The following STX8 variants were observed in gnomAD, a reference collection of about 807,000 sequenced individuals.
The protein encoded by STX8 is syntaxin 8.
Under a neutral mutation model 37.5 loss-of-function variants are expected in STX8, and 23 were observed. The ratio of observed to expected loss-of-function variants is 0.61; its 90% CI spans 0.44 to 0.87. The LOEUF (loss-of-function observed/expected upper bound fraction) is 0.87. Ranked by LOEUF, STX8 falls within the 40% of genes least tolerant of loss-of-function variation. The probability of loss-of-function intolerance (pLI) is 0.00; values close to 1 mark genes in which losing one functional copy is unlikely to be tolerated. For missense variants in STX8, 313 were observed against 284.7 expected, an observed-to-expected ratio of 1.10 and a Z score of -0.71; for synonymous variants, 115 against 99.1, an observed-to-expected ratio of 1.16 and a Z score of -0.95.
intron 7 of STX8, among the ~76,000 whole-genome samples, chr17:9,269,561 C>A (rs944237041): frequency 2.6e-5 from 4 of 152,210 alleles, no homozygotes; most frequent in Admixed American, 6.5e-5. Flanking sequence ...GATGTCATCA[C>A]CTTCTGCTTA....
chr17:9,364,593 C>G (rs1434816263), intron 7 of STX8, among the ~76,000 whole-genome samples: 1 of 152,022 alleles, frequency 6.6e-6, no homozygotes, highest in East Asian at 1.9e-4. Context: ...GGCAGCGGCG[C>G]GATCTTGGCT....
intron 6 of STX8, among the ~76,000 whole-genome samples, chr17:9,411,142 G>GT (rs1027581946): frequency 3.4e-4 from 52 of 152,300 alleles, no homozygotes; most frequent in African/African-American, 1.3e-3. Context: ...CTAGAGGTTT[G>GT]TACTCTTGGG....
At chr17:9,539,964 T>G (rs767530528) in intron 4 of STX8, among the ~76,000 whole-genome samples, 4 of 152,170 alleles carry the variant, frequency 2.6e-5, no homozygotes, top group African/African-American at 4.8e-5. Context: ...GAACATGTCA[T>G]ATAATGAACA....
chr17:9,525,934 T>C (rs1905551554), intron 4 of STX8, among the ~76,000 whole-genome samples: 1 of 152,216 alleles, frequency 6.6e-6, no homozygotes, highest in African/African-American at 2.4e-5. Context: ...TTCCTGACAA[T>C]GATGTGTAGT....
intron 6 of STX8, among the ~76,000 whole-genome samples, chr17:9,409,062 A>G (rs986756483): frequency 3.0e-4 from 45 of 151,844 alleles, no homozygotes; most frequent in African/African-American, 9.7e-4. Context: ...CTCAGCCAGC[A>G]GCAGCCACTG....
intron 4 of STX8, among the ~76,000 whole-genome samples, chr17:9,506,619 GCCTTCTC>G (rs1387450857): frequency 1.3e-5 from 2 of 152,072 alleles, no homozygotes; most frequent in Non-Finnish European, 2.9e-5. Flanking sequence ...ACATATGAAG[GCCTTCTC>G]CCTGTGAGGA....
At chr17:9,448,096 A>T (rs1333007410) in intron 6 of STX8, among the ~76,000 whole-genome samples, 1 of 150,766 alleles carries the variant, frequency 6.6e-6, no homozygotes, top group Non-Finnish European at 1.5e-5. Flanking sequence ...AACTGTTTGA[A>T]CCCAGGAGGC....
At chr17:9,527,797 A>G (rs1205051130) in intron 4 of STX8, among the ~76,000 whole-genome samples, 1 of 152,200 alleles carries the variant, frequency 6.6e-6, no homozygotes, top group Non-Finnish European at 1.5e-5. Flanking sequence ...AAATGCCACA[A>G]CTTTTAAGAA....
rs919419627 is a variant in STX8 at position 9,326,117 on chromosome 17, C to G, written c.643+52435G>C. On this transcript the variant is annotated intron_variant, in intron 7 of 7. Coordinates refer to ENST00000306357, the MANE Select transcript of STX8 (RefSeq NM_004853.3). ...GTCTTGGTTTTAGCCACCTTTGGTT[C>G]TTCCCTGTTTCCTTTTTTTTTTTTT... Among the ~76,000 whole-genome samples, 4 of 149,330 alleles carry G rather than the reference C, an allele frequency of 2.7e-5. 1 individual carries two copies. The highest frequency in any genetic ancestry group is 1.3e-4 in the Admixed American group (2 of 15,200).
At chr17:9,425,843 G>A (rs1208791132) in intron 6 of STX8, among the ~76,000 whole-genome samples, 2 of 152,120 alleles carry the variant, frequency 1.3e-5, no homozygotes, top group East Asian at 1.9e-4. Flanking sequence ...CTTCAGCCCA[G>A]GCCAGAGAAA....
At chr17:9,295,570 C>T (rs62067065) in intron 7 of STX8, among the ~76,000 whole-genome samples, 29,418 of 151,306 alleles carry the variant, frequency 0.19, 3,524 homozygotes, top group Non-Finnish European at 0.26. Flanking sequence ...GGTGAAATCC[C>T]GTCTCTACTA....
intron 7 of STX8, among the ~76,000 whole-genome samples, chr17:9,295,719 A>G (rs990223152): frequency 1.3e-5 from 2 of 151,556 alleles, no homozygotes; most frequent in African/African-American, 2.4e-5. Flanking sequence ...CTCCAGCGTG[A>G]CGACAGAATG....
intron 7 of STX8, among the ~76,000 whole-genome samples, chr17:9,298,641 GTC>G (rs1196674786): frequency 6.6e-6 from 1 of 152,072 alleles, no homozygotes; most frequent in Non-Finnish European, 1.5e-5. Context: ...GTGAAACCCC[GTC>G]TCTACTAAAA....
At chr17:9,341,876 T>G (rs985830601) in intron 7 of STX8, among the ~76,000 whole-genome samples, 10 of 152,182 alleles carry the variant, frequency 6.6e-5, no homozygotes, top group Middle Eastern at 3.4e-3. Context: ...TTGGCTATAG[T>G]GGGAGGTTTC....
chr17:9,297,647 T>C (rs1245790030), intron 7 of STX8, among the ~76,000 whole-genome samples: 1 of 152,144 alleles, frequency 6.6e-6, no homozygotes, highest in African/African-American at 2.4e-5. Flanking sequence ...GCAGGAGGAC[T>C]GCTTGAGCCC....
At chr17:9,325,900 A>G (rs895943892) in intron 7 of STX8, among the ~76,000 whole-genome samples, 2 of 152,200 alleles carry the variant, frequency 1.3e-5, no homozygotes, top group Non-Finnish European at 2.9e-5. Flanking sequence ...GTATGAAAGG[A>G]GAGTGGAAAA....
At chr17:9,393,313 A>C (rs1258615788) in intron 6 of STX8, among the ~76,000 whole-genome samples, 1 of 152,176 alleles carries the variant, frequency 6.6e-6, no homozygotes, top group Non-Finnish European at 1.5e-5. Context: ...GTACTAAGAA[A>C]ATATGTTGTC....
intron 2 of STX8, among the ~76,000 whole-genome samples, chr17:9,567,668 C>G (rs1907515034): frequency 6.6e-6 from 1 of 152,114 alleles, no homozygotes; most frequent in South Asian, 2.1e-4. Context: ...TTATACAGCC[C>G]AAAACTAAAG....
At chr17:9,454,275 G>A (rs1404535126) in intron 6 of STX8, among the ~76,000 whole-genome samples, 20 of 152,284 alleles carry the variant, frequency 1.3e-4, no homozygotes, top group East Asian at 1.9e-4. Context: ...CCGGGAGCAC[G>A]TATGGCATGG....
Sources: gnomAD v4.1 joint callset for allele counts (sites outside exome capture counted in the v4.1 genomes callset) on GRCh38, gnomAD v4.1.1 for gene constraint, MANE v1.5 for transcripts, NCBI Gene and HGNC (gene_info 2026-07-23, HGNC 2026-07-21) for gene names.